Variants in SMARCA2 observed in about 807,000 individuals in gnomAD.
The protein encoded by SMARCA2 is SWI/SNF related BAF chromatin remodeling complex subunit ATPase 2.
Under a neutral mutation model 199.8 loss-of-function variants are expected in SMARCA2, and 61 were observed. The ratio of observed to expected loss-of-function variants is 0.31; its 90% CI spans 0.25 to 0.38. The LOEUF (loss-of-function observed/expected upper bound fraction) is 0.38. Among genes scored for constraint, SMARCA2 ranks in the 10% least tolerant of loss-of-function variants. The pLI, the probability that SMARCA2 is intolerant of heterozygous loss-of-function variation, is 1.00. For missense variants in SMARCA2, 1,344 were observed against 2,012.2 expected (o/e 0.67, Z 6.35); for synonymous variants, 935 against 732.0 (o/e 1.28, Z -4.48).
chr9:2,122,538 A>G (rs755153948), intron 26 of SMARCA2, among the ~76,000 whole-genome samples: 2 of 152,180 alleles, frequency 1.3e-5, no homozygotes, highest in Admixed American at 6.5e-5. Flanking sequence ...TTATCAACCA[A>G]TGGGACTTCA....
chr9:2,166,197 G>C lies in SMARCA2; in HGVS notation c.4200-4222G>C, dbSNP rs182623110. On this transcript the variant is annotated intron_variant, in intron 28 of 33. Coordinates refer to ENST00000349721, the MANE Select transcript of SMARCA2 (RefSeq NM_003070.5). ...AGGAACACTTCACTTTGCTCTCTGA[G>C]TGATGCCTAGACATTGGCCACATTC... Among the ~76,000 whole-genome samples the C allele has an allele frequency of 1.8e-3, 267 of 152,304 alleles. 2 individuals are homozygous for C. The highest frequency in any genetic ancestry group is 5.4e-3 in the African/African-American group (224 of 41,554).
intron 13 of SMARCA2, 24 bp downstream of exon 13, chr9:2,076,353 GA>G (rs776390086): frequency 7.6e-7 from 1 of 1,312,462 alleles, no homozygotes; most frequent in Non-Finnish European, 1.1e-6. Context: ...TTTTCCCTTG[GA>G]AATGCATTGC....
intron 17 of SMARCA2, among the ~76,000 whole-genome samples, chr9:2,084,518 C>G (rs1821715343): frequency 6.6e-6 from 1 of 151,940 alleles, no homozygotes; most frequent in African/African-American, 2.4e-5. Flanking sequence ...CTCTTTTTCT[C>G]TCTAACAGCT....
intron 4 of SMARCA2, chr9:2,040,199 C>A: frequency 1.7e-6 from 1 of 589,694 alleles, no homozygotes; most frequent in South Asian, 2.3e-5. Flanking sequence ...GGAAGCCCAT[C>A]CACACACACA....
chr9:2,048,378 C>T (rs1415602248), intron 5 of SMARCA2, among the ~76,000 whole-genome samples: 1 of 152,094 alleles, frequency 6.6e-6, no homozygotes, highest in Non-Finnish European at 1.5e-5. Flanking sequence ...TCAGTTTCCT[C>T]CTAGGCTAAA....
At chr9:2,159,613 T>G in intron 27 of SMARCA2, 1 of 532,974 alleles carries the variant, frequency 1.9e-6, no homozygotes. Context: ...CTGCCTGGAA[T>G]AATAAGGGGA....
At chr9:2,182,330 G>GAATC (rs1827095402) in intron 31 of SMARCA2, 88 bp downstream of exon 31, 2 of 790,570 alleles carry the variant, frequency 2.5e-6, no homozygotes, top group Non-Finnish European at 4.3e-6. Context: ...TCTACCTCTT[G>GAATC]AATCATTGCT....
At chr9:2,050,626 T>A (rs1048552195) in intron 5 of SMARCA2, among the ~76,000 whole-genome samples, 1 of 116,058 alleles carries the variant, frequency 8.6e-6, no homozygotes, top group Admixed American at 8.8e-5. Flanking sequence ...TTACCTGTGA[T>A]TTTTTTTTTT....
At chr9:2,187,654 G>A (rs1827565262) in intron 32 of SMARCA2, among the ~76,000 whole-genome samples, 1 of 151,936 alleles carries the variant, frequency 6.6e-6, no homozygotes, top group Non-Finnish European at 1.5e-5. Flanking sequence ...TCCAGCCTGG[G>A]CAACAGAACA....
chr9:2,147,841 C>G (rs1824844495), intron 27 of SMARCA2, among the ~76,000 whole-genome samples: 1 of 150,796 alleles, frequency 6.6e-6, no homozygotes, highest in African/African-American at 2.4e-5. Context: ...GAGCCAGACT[C>G]CGTCTCAAAA....
rs191367442 is a variant in SMARCA2 at position 2,096,829 on chromosome 9, A to G, written c.2991+65A>G. 8.5e-4 allele frequency: 820 copies of G among 960,068 alleles called. 4 individuals are homozygous for G. In the African/African-American group the frequency reaches 0.011, roughly 13 times the overall value. The allele number at this position is 960,068 out of a possible 1,614,324, so 59.5% of individuals were successfully genotyped here. A position where few individuals can be genotyped will look rare whatever the true frequency, so the allele number is the denominator to read the frequency against. On this transcript the variant is annotated intron_variant, in intron 20 of 33. Coordinates refer to ENST00000349721, the MANE Select transcript of SMARCA2 (RefSeq NM_003070.5). Reference sequence around the variant, plus strand: ...ATGTCTTCTCATGGCTGTGACATTGAATATTCACAGGAAGCATCCCTGCTA... The same window carrying G: ...ATGTCTTCTCATGGCTGTGACATTGGATATTCACAGGAAGCATCCCTGCTA...
At chr9:2,063,483 A>G (rs1820690749) in intron 9 of SMARCA2, among the ~76,000 whole-genome samples, 1 of 152,148 alleles carries the variant, frequency 6.6e-6, no homozygotes, top group Admixed American at 6.5e-5. Flanking sequence ...GCACTTTTCC[A>G]TAGTATTAAG....
chr9:2,137,134 C>T (rs1824230432), intron 27 of SMARCA2, among the ~76,000 whole-genome samples: 1 of 152,180 alleles, frequency 6.6e-6, no homozygotes, highest in Admixed American at 6.5e-5. Flanking sequence ...CATTCATTCA[C>T]CTTTGAGAAA....
At chr9:2,073,429 G>A (rs2130427154) in intron 11 of SMARCA2, 87 bp downstream of exon 11, 1 of 1,557,228 alleles carries the variant, frequency 6.4e-7, no homozygotes, top group South Asian at 1.2e-5. Context: ...AAACTACACA[G>A]CCTTTGCTGA....
At chr9:2,024,721 C>G (rs1048345258) in intron 1 of SMARCA2, among the ~76,000 whole-genome samples, 4 of 152,120 alleles carry the variant, frequency 2.6e-5, no homozygotes, top group African/African-American at 7.2e-5. Context: ...ACATGGCTTG[C>G]TAGATCCGTG....
At chr9:2,075,393 C>T (rs1157406252) in intron 12 of SMARCA2, 1 of 152,210 alleles carries the variant, frequency 6.6e-6, no homozygotes, top group Non-Finnish European at 1.5e-5. Flanking sequence ...GCCTTCTACA[C>T]CAGGTTAGTA....
intron 2 of SMARCA2, chr9:2,032,545 A>G (rs1252719146): frequency 1.3e-5 from 2 of 154,952 alleles, no homozygotes; most frequent in Non-Finnish European, 2.9e-5. Context: ...ATGAAGAAAA[A>G]TTACCAAAAA....
At chr9:2,077,842 G>A (rs1821394558) in intron 14 of SMARCA2, 66 bp downstream of exon 14, 9 of 1,443,158 alleles carry the variant, frequency 6.2e-6, no homozygotes, top group Non-Finnish European at 8.5e-6. Context: ...ATTGAAGTAT[G>A]TCGTGCACAT....
chr9:2,070,714 T>C (rs963020089), intron 10 of SMARCA2, among the ~76,000 whole-genome samples: 19 of 152,366 alleles, frequency 1.2e-4, no homozygotes, highest in Middle Eastern at 6.8e-3. Flanking sequence ...ATTTCAGAAT[T>C]TTCTGTGCAC....
Sources: gnomAD v4.1 joint callset for allele counts (sites outside exome capture counted in the v4.1 genomes callset) on GRCh38, gnomAD v4.1.1 for gene constraint, MANE v1.5 for transcripts, NCBI Gene and HGNC (gene_info 2026-07-23, HGNC 2026-07-21) for gene names.